The following ARHGEF5 variants were observed in gnomAD, a reference collection of about 807,000 sequenced individuals.
ARHGEF5 encodes Rho guanine nucleotide exchange factor 5.
ARHGEF5 carries 11 observed loss-of-function variants against 104.0 expected under a neutral mutation model. The ratio of observed to expected loss-of-function variants is 0.11; its 90% CI spans 0.07 to 0.18. The LOEUF (loss-of-function observed/expected upper bound fraction) is 0.18, where lower values mean the gene tolerates loss of function less well. ARHGEF5 is among the 10% of genes least tolerant of loss of function. The pLI, the probability that ARHGEF5 is intolerant of heterozygous loss-of-function variation, is 1.00. For missense variants in ARHGEF5, 165 were observed against 1,335.4 expected, an observed-to-expected ratio of 0.12 and a Z score of 13.66; for synonymous variants, 60 against 512.2, an observed-to-expected ratio of 0.12 and a Z score of 11.92.
chr7:144,378,816 T>C lies in ARHGEF5; in HGVS notation c.4586T>C (p.Leu1529Ser). The change falls in exon 14 of 15, where the codon TTG becomes TCG. Residue 1529 changes from leucine to serine, a missense_variant. Coordinates refer to ENST00000056217, the MANE Select transcript of ARHGEF5 (RefSeq NM_005435.4). The part of the protein sequence containing the change: ...RAYKPRENDE[L>S]ALEKADVVMV... The stretch of plus-strand genomic sequence containing the variant: ...TACAAGCCCCGAGAGAATGATGAAT[T>C]GGCACTGGAGAAAGCCGACGTGGTG... 11 of 1,614,006 alleles carry C rather than the reference T, an allele frequency of 6.8e-6. No homozygotes were observed. The highest frequency in any genetic ancestry group is 9.3e-6 in the Non-Finnish European group (11 of 1,179,978).
rs773113320 is a variant in ARHGEF5 at position 144,365,221 on chromosome 7, C to A, written c.2552C>A (p.Pro851Gln). The A allele has an allele frequency of 6.2e-7, 1 of 1,613,030 alleles. No individual in the cohort carries two copies. Among genetic ancestry groups the A allele is most frequent in the African/African-American group, 1.3e-5 (1 of 74,938 alleles). The change falls in exon 2 of 15, where the codon CCA becomes CAA. Residue 851 changes from proline (P) to glutamine (Q), a missense_variant. By Grantham distance (76) the Pro-to-Gln change is moderately conservative (BLOSUM62 -1). Coordinates refer to ENST00000056217, the MANE Select transcript of ARHGEF5 (RefSeq NM_005435.4). ...CCCATCATAGACCCTCCCACCGAACCACCCCCATTGCCCCCAAAGTCCAGG... is the reference window on the plus strand; with the variant it reads ...CCCATCATAGACCCTCCCACCGAACAACCCCCATTGCCCCCAAAGTCCAGG... The part of the protein sequence containing the change: ...PLPIIDPPTE[P>Q]PPLPPKSRGR...
intron 13 of ARHGEF5, 81 bp from the exon 14 acceptor site, chr7:144,378,681 A>G: frequency 8.2e-7 from 1 of 1,224,458 alleles, no homozygotes; most frequent in East Asian, 2.4e-5. Context: ...AAGTCCTCCC[A>G]CGCCACCCCC....
At chr7:144,357,374 C>A in intron 1 of ARHGEF5, among the ~76,000 whole-genome samples, 1 of 133,992 alleles carries the variant, frequency 7.5e-6, no homozygotes. Flanking sequence ...CTTTCACTGG[C>A]ATGGTGGGAC....
At position 144,360,206 on chromosome 7, in the gene ARHGEF5, C is replaced by T. The variant is rs1346814401; in HGVS notation, c.-12-2452C>T. Among the ~76,000 whole-genome samples the T allele has an allele frequency of 5.0e-5, 6 of 119,772 alleles. 1 individual carries two copies. Among genetic ancestry groups the T allele is most frequent in the Non-Finnish European group, 1.1e-4 (6 of 56,142 alleles). 78.6% of individuals were successfully genotyped at this position (119,772 alleles called of 152,430 possible). A position where few individuals can be genotyped will look rare whatever the true frequency, so the allele number is the denominator to read the frequency against. On this transcript the variant is annotated intron_variant, in intron 1 of 14. Transcript: ENST00000056217. ...CTGCCTCCTGGGCTCAAGGGATCCT[C>T]CCAGGATCCCTCTCCTGCCTCAGCC...
At position 144,378,749 on chromosome 7, in the gene ARHGEF5, T is replaced by C. The variant is rs766230491; in HGVS notation, c.4532-13T>C. 2.4e-5 allele frequency: 38 copies of C among 1,611,216 alleles called. No homozygotes were observed. Among genetic ancestry groups the C allele is most frequent in the Non-Finnish European group, 3.1e-5 (37 of 1,177,826 alleles). On this transcript the variant is annotated splice_polypyrimidine_tract_variant and intron_variant, in intron 13 of 14. Transcript: ENST00000056217. ...CCTCTCCTAACCTCTCTTCACACTC[T>C]TCTCTTCCAAAGACTCCCCCCAGGT... is the stretch of plus-strand genomic sequence containing the variant.
At chr7:144,366,548 AG>A in intron 3 of ARHGEF5, 136 bp downstream of exon 3, 1 of 516,604 alleles carries the variant, frequency 1.9e-6, no homozygotes, top group Non-Finnish European at 3.5e-6. Flanking sequence ...TGGTGTAAGG[AG>A]GAGAAGAGAG....
chr7:144,380,186 C>A lies in ARHGEF5; in HGVS notation c.*130C>A. On this transcript the variant is annotated 3_prime_UTR_variant, in exon 15 of 15. Transcript: ENST00000056217. The stretch of plus-strand genomic sequence containing the variant: ...CTTCTCAAAGCTCAAGGACAAAATC[C>A]AGCTAACCCAGTCCCTCGGCCCAGG... 24 of 1,219,266 alleles carry A rather than the reference C, an allele frequency of 2.0e-5. No individual in the cohort carries two copies. The highest frequency in any genetic ancestry group is 2.7e-5 in the Non-Finnish European group (24 of 876,814). The allele number at this position is 1,219,266 out of a possible 1,614,324, so 75.5% of individuals were successfully genotyped here.
intron 10 of ARHGEF5, among the ~76,000 whole-genome samples, chr7:144,373,863 CAG>C (rs1469289763): frequency 2.0e-5 from 3 of 146,584 alleles, no homozygotes; most frequent in South Asian, 4.5e-4. Context: ...TTTTTTTTGA[CAG>C]AGTCTCACTC....
At chr7:144,357,759 C>T (rs1290078305) in intron 1 of ARHGEF5, among the ~76,000 whole-genome samples, 1 of 151,776 alleles carries the variant, frequency 6.6e-6, no homozygotes, top group African/African-American at 2.4e-5. Flanking sequence ...TGAGCTCTGT[C>T]ACACATTATG....
intron 14 of ARHGEF5, 60 bp from the exon 15 acceptor site, chr7:144,379,839 C>A: frequency 6.3e-7 from 1 of 1,599,914 alleles, no homozygotes; most frequent in Non-Finnish European, 8.5e-7. Flanking sequence ...GGAAGGTGAT[C>A]CAGAGAAGCT....
At chr7:144,373,865 G>C (rs1273154890) in intron 10 of ARHGEF5, among the ~76,000 whole-genome samples, 4 of 146,054 alleles carry the variant, frequency 2.7e-5, no homozygotes, top group South Asian at 4.5e-4. Context: ...TTTTTTGACA[G>C]AGTCTCACTC....
rs747596139 is a variant in ARHGEF5, at chr7:144,378,805, G to A, written c.4575G>A (p.Glu1525=). 1.1e-5 allele frequency: 17 copies of A among 1,614,102 alleles called. No homozygotes were observed. The South Asian group carries it at 1.9e-4, about 18-fold the overall frequency. ...GCCTTCGAGCCTACAAGCCCCGAGAGAATGATGAATTGGCACTGGAGAAAG... is the reference window on the plus strand; with the variant it reads ...GCCTTCGAGCCTACAAGCCCCGAGAAAATGATGAATTGGCACTGGAGAAAG... The part of the protein sequence containing the change: ...VQCLRAYKPR[E]NDELALEKAD... Residue 1525 remains glutamate, a synonymous_variant, in exon 14 of 15, where the codon GAG becomes GAA. Coordinates refer to ENST00000056217, the MANE Select transcript of ARHGEF5 (RefSeq NM_005435.4).
chr7:144,379,214 AT>A (rs1238130368), intron 14 of ARHGEF5, among the ~76,000 whole-genome samples: 1 of 151,218 alleles, frequency 6.6e-6, no homozygotes, highest in Non-Finnish European at 1.5e-5. Context: ...TTATTTTTTT[AT>A]TTTATGTATT....
In ARHGEF5 at chr7:144,361,236, AAAAAAGAAAAG is replaced by A. The variant is rs1563114755; in HGVS notation, c.-12-1416_-12-1406del. 3.1e-4 allele frequency among the ~76,000 whole-genome samples: 2 copies of A among 6,368 alleles called. 1 individual carries two copies. The highest frequency in any genetic ancestry group is 8.5e-4 in the Non-Finnish European group (2 of 2,340). 4.2% of individuals were successfully genotyped at this position (6,368 alleles called of 152,430 possible). On this transcript the variant is annotated intron_variant, in intron 1 of 14. Transcript: ENST00000056217. ...AGCAAGACTCCATCTCAAAAAAAAA[AAAAAAGAAAAG>A]AAAAAAAAAAAAAGACTGGAGGAAA... is the stretch of plus-strand genomic sequence containing the variant.
In ARHGEF5 at chr7:144,363,608, G is replaced by A. The variant is rs1273504001; in HGVS notation, c.939G>A (p.Lys313=). The A allele has an allele frequency of 1.3e-6, 2 of 1,507,394 alleles. No individual in the cohort carries two copies. The highest frequency in any genetic ancestry group is 1.8e-6 in the Non-Finnish European group (2 of 1,092,474). The allele number at this position is 1,507,394 out of a possible 1,614,324, so 93.4% of individuals were successfully genotyped here. A position where few individuals can be genotyped will look rare whatever the true frequency, so the allele number is the denominator to read the frequency against. The part of the protein sequence containing the change: ...GEWEQEDMER[K]AQGQGGPEQG... ...GGGAGCAGGAGGATATGGAGAGGAA[G>A]GCTCAGGGTCAGGGAGGTCCAGAAC... Residue 313 remains lysine (K), a synonymous_variant, in exon 2 of 15, where the codon AAG becomes AAA. Coordinates refer to ENST00000056217, the MANE Select transcript of ARHGEF5 (RefSeq NM_005435.4).
At chr7:144,366,317 TC>T (rs1248156740) in intron 2 of ARHGEF5, 37 bp from the exon 3 acceptor site, 2 of 1,430,464 alleles carry the variant, frequency 1.4e-6, no homozygotes, top group East Asian at 4.5e-5. Context: ...TCTCTATCCC[TC>T]TGAAATCTCA....
Position 144,380,204 on chromosome 7 carries a change from G to A in ARHGEF5, c.*148G>A, listed in dbSNP as rs1230850401. On this transcript the variant is annotated 3_prime_UTR_variant, in exon 15 of 15. Transcript: ENST00000056217. ...CAAAATCCAGCTAACCCAGTCCCTCGGCCCAGGCCTCCTTTCGTGCTTTGT... is the reference window on the plus strand; with the variant it reads ...CAAAATCCAGCTAACCCAGTCCCTCAGCCCAGGCCTCCTTTCGTGCTTTGT... 4 of 1,019,428 alleles carry A rather than the reference G, an allele frequency of 3.9e-6. No homozygotes were observed. The highest frequency in any genetic ancestry group is 5.6e-6 in the Non-Finnish European group (4 of 712,964). 63.1% of individuals were successfully genotyped at this position (1,019,428 alleles called of 1,614,324 possible).
chr7:144,360,326 G>A (rs1157134638), intron 1 of ARHGEF5, among the ~76,000 whole-genome samples: 1 of 106,766 alleles, frequency 9.4e-6, no homozygotes, highest in African/African-American at 3.6e-5. Context: ...GTCCAGGCTG[G>A]TCTCAAACTC....
intron 8 of ARHGEF5, 125 bp from the exon 9 acceptor site, chr7:144,372,554 CTGCT>C: frequency 6.9e-7 from 1 of 1,454,980 alleles, no homozygotes; most frequent in Non-Finnish European, 9.6e-7. Context: ...TGCCCACTGC[CTGCT>C]TGCTTGGAAA....
Sources: gnomAD v4.1 joint callset for allele counts (sites outside exome capture counted in the v4.1 genomes callset) on GRCh38, gnomAD v4.1.1 for gene constraint, MANE v1.5 for transcripts, NCBI Gene and HGNC (gene_info 2026-07-23, HGNC 2026-07-21) for gene names.